Variants in ADIPOR2 observed in about 807,000 individuals in gnomAD.
The protein encoded by ADIPOR2 is adiponectin receptor protein 2.
Under a neutral mutation model 40.9 loss-of-function variants are expected in ADIPOR2, and 18 were observed. That is an observed-to-expected ratio of 0.44 (90% confidence interval 0.30 to 0.65). The LOEUF (loss-of-function observed/expected upper bound fraction) is 0.65. Among genes scored for constraint, ADIPOR2 ranks in the 30% least tolerant of loss-of-function variants. The pLI, the probability that ADIPOR2 is intolerant of heterozygous loss-of-function variation, is 0.09. For synonymous variants in ADIPOR2, 165 were observed against 166.4 expected (o/e 0.99, Z 0.06); for missense variants, 283 against 479.2 (o/e 0.59, Z 3.82).
At chr12:1,783,751 CT>C in intron 6 of ADIPOR2, 128 bp from the exon 7 acceptor site, 1 of 755,372 alleles carries the variant, frequency 1.3e-6, no homozygotes, top group Non-Finnish European at 2.0e-6. Context: ...TCCTTTAAAA[CT>C]GGAAGCTAAT....
chr12:1,745,994 A>G, intron 1 of ADIPOR2, among the ~76,000 whole-genome samples: 1 of 152,190 alleles, frequency 6.6e-6, no homozygotes, highest in Non-Finnish European at 1.5e-5. Flanking sequence ...AAATAAAAAT[A>G]AGTCTTCTTC....
intron 3 of ADIPOR2, 113 bp downstream of exon 3, chr12:1,773,074 G>C (rs944036737): frequency 2.3e-6 from 3 of 1,317,020 alleles, no homozygotes; most frequent in East Asian, 2.5e-5. Flanking sequence ...GGGAAGATCT[G>C]TGGCAAGATG....
At chr12:1,759,265 C>A (rs1442876385) in intron 2 of ADIPOR2, among the ~76,000 whole-genome samples, 3 of 152,182 alleles carry the variant, frequency 2.0e-5, no homozygotes, top group Non-Finnish European at 4.4e-5. Flanking sequence ...TACAGTCATT[C>A]ACATTTCTAA....
intron 1 of ADIPOR2, among the ~76,000 whole-genome samples, chr12:1,726,798 A>G (rs756435632): frequency 7.9e-5 from 12 of 152,238 alleles, no homozygotes; most frequent in African/African-American, 1.2e-4. Flanking sequence ...CCTAGTGCCA[A>G]CTGAACATTT....
intron 1 of ADIPOR2, among the ~76,000 whole-genome samples, chr12:1,720,902 A>T (rs969205662): frequency 6.6e-6 from 1 of 152,206 alleles, no homozygotes; most frequent in Non-Finnish European, 1.5e-5. Flanking sequence ...CCCTCTGCTC[A>T]CTGAGATAGA....
At chr12:1,776,149 T>G (rs1862589515) in intron 3 of ADIPOR2, among the ~76,000 whole-genome samples, 1 of 152,168 alleles carries the variant, frequency 6.6e-6, no homozygotes, top group Admixed American at 6.5e-5. Context: ...ACACATCTGT[T>G]CTTAAATTGT....
intron 1 of ADIPOR2, among the ~76,000 whole-genome samples, chr12:1,722,525 T>C (rs2094699847): frequency 6.6e-6 from 1 of 152,170 alleles, no homozygotes; most frequent in Non-Finnish European, 1.5e-5. Flanking sequence ...AGTGTGGTCT[T>C]AGTGGGAATG....
intron 3 of ADIPOR2, among the ~76,000 whole-genome samples, chr12:1,775,875 A>G (rs963326264): frequency 7.9e-5 from 12 of 152,098 alleles, no homozygotes; most frequent in African/African-American, 2.4e-4. Flanking sequence ...CTTTCTCTCC[A>G]TAAAGTCCTG....
At chr12:1,759,779 C>T (rs1862229115) in intron 2 of ADIPOR2, among the ~76,000 whole-genome samples, 1 of 152,102 alleles carries the variant, frequency 6.6e-6, no homozygotes, top group South Asian at 2.1e-4. Flanking sequence ...GTAATGTCAG[C>T]ACTTTGGGAG....
chr12:1,757,727 C>T, intron 2 of ADIPOR2: 1 of 1,299,586 alleles, frequency 7.7e-7, no homozygotes, highest in East Asian at 2.3e-5. Flanking sequence ...CGGAAATTCT[C>T]CCCCGTCTTG....
chr12:1,733,182 G>A (rs1299728539), intron 1 of ADIPOR2, among the ~76,000 whole-genome samples: 1 of 152,094 alleles, frequency 6.6e-6, no homozygotes, highest in Non-Finnish European at 1.5e-5. Context: ...CCTACTGTTG[G>A]TTTTGTTCAA....
intron 1 of ADIPOR2, among the ~76,000 whole-genome samples, chr12:1,752,985 A>G (rs536863029): frequency 6.6e-6 from 1 of 152,324 alleles, no homozygotes; most frequent in South Asian, 2.1e-4. Context: ...CTTGCCCTAC[A>G]TACTTCGAAA....
chr12:1,736,245 G>A (rs1165044317), intron 1 of ADIPOR2, among the ~76,000 whole-genome samples: 2 of 152,124 alleles, frequency 1.3e-5, no homozygotes, highest in Non-Finnish European at 2.9e-5. Context: ...TGGTTGGTAA[G>A]CTATTAATTA....
intron 1 of ADIPOR2, among the ~76,000 whole-genome samples, chr12:1,723,333 C>T (rs558069760): frequency 1.3e-5 from 2 of 152,038 alleles, no homozygotes; most frequent in African/African-American, 4.8e-5. Flanking sequence ...ATAATTCCTT[C>T]TAAAAATGTG....
chr12:1,777,349 T>TA (rs1341999845), intron 3 of ADIPOR2, among the ~76,000 whole-genome samples: 3 of 150,912 alleles, frequency 2.0e-5, no homozygotes, highest in African/African-American at 7.3e-5. Context: ...TTCCTTTTCC[T>TA]AAGGCCCCCA....
intron 2 of ADIPOR2, among the ~76,000 whole-genome samples, chr12:1,761,328 ATGTAGAAGCTTT>A (rs1862265755): frequency 6.6e-6 from 1 of 152,152 alleles, no homozygotes; most frequent in Non-Finnish European, 1.5e-5. Context: ...ATTATCATTC[ATGTAGAAGCTTT>A]TGTATGGATG....
chr12:1,758,022 G>C, intron 2 of ADIPOR2: 2 of 767,966 alleles, frequency 2.6e-6, no homozygotes, highest in Admixed American at 4.0e-5. Context: ...GGCTGCGTTA[G>C]GCAGGGAAAG....
In ADIPOR2 at chr12:1,785,958, G is replaced by T. The variant is rs774910578; in HGVS notation, c.1047G>T (p.Gln349His). The T allele has an allele frequency of 6.2e-7, 1 of 1,614,096 alleles. No homozygotes were observed. The highest frequency in any genetic ancestry group is 8.5e-7 in the Non-Finnish European group (1 of 1,180,012). The change falls in exon 8 of 8, where the codon CAG becomes CAT. Residue 349 changes from glutamine (Q) to histidine (H), a missense_variant. Around this residue, in one of 3 missense-constraint regions of ADIPOR2, gnomAD observed 106 missense variants for 149.7 expected, o/e 0.71. Coordinates refer to ENST00000357103, the MANE Select transcript of ADIPOR2 (RefSeq NM_024551.3). ...TTCCCCTCCAGTTTCACTCTCATCA[G>T]CTGTTTCATATCTTTGTGGTTGCTG... ...GKCDIWFHSH[Q>H]LFHIFVVAGA...
At chr12:1,737,590 T>C (rs2094733544) in intron 1 of ADIPOR2, among the ~76,000 whole-genome samples, 2 of 152,206 alleles carry the variant, frequency 1.3e-5, no homozygotes, top group South Asian at 4.1e-4. Context: ...TGACTGTTTA[T>C]ATATTTTTTG....
Sources: gnomAD v4.1 joint callset for allele counts (sites outside exome capture counted in the v4.1 genomes callset) on GRCh38, gnomAD v4.1.1 for gene constraint, gnomAD v4.1.1 regional missense constraint, MANE v1.5 for transcripts, NCBI Gene and HGNC (gene_info 2026-07-23, HGNC 2026-07-21) for gene names.